The following NRDE2 variants were observed in gnomAD, a reference collection of about 807,000 sequenced individuals.
The protein encoded by NRDE2 is nuclear exosome regulator NRDE2.
In NRDE2, 76 loss-of-function variants were observed where a neutral mutation model predicts 124.2. That is an observed-to-expected ratio of 0.61 (90% CI 0.51 to 0.74). The LOEUF (loss-of-function observed/expected upper bound fraction) is 0.74, where lower values mean the gene tolerates loss of function less well. NRDE2 is among the 30% of genes least tolerant of loss of function. The probability of loss-of-function intolerance (pLI) is 0.00; values close to 1 mark genes in which losing one functional copy is unlikely to be tolerated. For synonymous variants in NRDE2, 489 were observed against 528.1 expected (o/e 0.93, Z 1.01); for missense variants, 1,314 against 1,417.3 (o/e 0.93, Z 1.17).
rs765343268 is a variant in NRDE2, at chr14:90,298,261, T to A, written c.1665A>T (p.Pro555=). Residue 555 remains proline (P), a splice_region_variant and synonymous_variant, in exon 8 of 14, where the codon CCA becomes CCT. Transcript: ENST00000354366. ...CGTCTTCAATGAGAGGTGACTTACC[T>A]GGGTTGATGACCACCCAGCCACCTC... ...QERGGWVVIN[P]DEDDDEPEED... is the part of the protein sequence containing the mutation. 6.2e-7 allele frequency: 1 copy of A among 1,613,480 alleles called. No homozygotes were observed. Among genetic ancestry groups the A allele is most frequent in the South Asian group, 1.1e-5 (1 of 91,068 alleles).
In NRDE2 at chr14:90,273,981, T is replaced by A. The variant is rs1368259612; in HGVS notation, c.*4355A>T. The stretch of plus-strand genomic sequence containing the variant: ...AATTTCCCTGTTTTAAAGTTTACAA[T>A]CTTCTTAATTTTTATCTGCAAAGTT... On this transcript the variant is annotated 3_prime_UTR_variant, in exon 14 of 14. Coordinates refer to ENST00000354366, the MANE Select transcript of NRDE2 (RefSeq NM_017970.4). 1.5e-5 allele frequency: 1 copy of A among 68,552 alleles called. No individual in the cohort carries two copies. The highest frequency in any genetic ancestry group is 4.0e-5 in the Non-Finnish European group (1 of 24,948). The allele number at this position is 68,552 out of a possible 1,614,324, so 4.2% of individuals were successfully genotyped here. A position where few individuals can be genotyped will look rare whatever the true frequency, so the allele number is the denominator to read the frequency against.
rs1431123812 is a variant in NRDE2 at position 90,268,117 on chromosome 14, G to A, written c.*10219C>T. ...AATTGGTGCCATGCCTTAGCATGAG[G>A]GCCCGCCTGTTTTTGGTGTCCATTT... On this transcript the variant is annotated 3_prime_UTR_variant, in exon 14 of 14. Coordinates refer to ENST00000354366, the MANE Select transcript of NRDE2 (RefSeq NM_017970.4). 1.2e-6 allele frequency: 1 copy of A among 862,912 alleles called. No homozygotes were observed. Among genetic ancestry groups the A allele is most frequent in the Non-Finnish European group, 1.7e-6 (1 of 579,816 alleles). 53.5% of individuals were successfully genotyped at this position (862,912 alleles called of 1,614,324 possible).
In NRDE2 at chr14:90,270,484, C is replaced by T. The variant is rs1455856098; in HGVS notation, c.*7852G>A. On this transcript the variant is annotated 3_prime_UTR_variant, in exon 14 of 14. Transcript: ENST00000354366. The stretch of plus-strand genomic sequence containing the variant: ...GTATTTTAATCATCATATTGGTTTA[C>T]GATTACATCCAAATGGTATATGTGC... The T allele has an allele frequency of 8.1e-6, 8 of 992,134 alleles. No individual in the cohort carries two copies. The highest frequency in any genetic ancestry group is 6.5e-5 in the African/African-American group (4 of 61,096). 61.5% of individuals were successfully genotyped at this position (992,134 alleles called of 1,614,324 possible). A position where few individuals can be genotyped will look rare whatever the true frequency, so the allele number is the denominator to read the frequency against.
intron 1 of NRDE2, among the ~76,000 whole-genome samples, chr14:90,331,110 A>G (rs960407736): frequency 4.6e-5 from 7 of 151,808 alleles, no homozygotes; most frequent in Non-Finnish European, 1.0e-4. Context: ...AAGAGACAGG[A>G]GTCTCGCTAT....
intron 13 of NRDE2, 120 bp downstream of exon 13, chr14:90,278,942 A>G: frequency 1.4e-6 from 1 of 736,998 alleles, no homozygotes; most frequent in South Asian, 1.6e-5. Flanking sequence ...GGGACAGGGT[A>G]TGGCGTCCAT....
rs1885716686 is a variant in NRDE2 at position 90,331,829 on chromosome 14, T to C, written c.64+12A>G. ...CCCCCAGGTGCCTTCTTCGGCTCGT[T>C]TGTGTGCTTACCTTTCCTGGAGCTC... On this transcript the variant is annotated intron_variant, in intron 1 of 13. Transcript: ENST00000354366. 6.2e-7 allele frequency: 1 copy of C among 1,613,978 alleles called. No homozygotes were observed. The highest frequency in any genetic ancestry group is 1.1e-5 in the South Asian group (1 of 91,080).
At chr14:90,327,971 CT>C (rs1566704448) in intron 1 of NRDE2, among the ~76,000 whole-genome samples, 2 of 152,038 alleles carry the variant, frequency 1.3e-5, no homozygotes, top group African/African-American at 2.4e-5. Flanking sequence ...GTGAAACCCC[CT>C]ATCTACTAAA....
chr14:90,310,417 T>G (rs1030094558), intron 4 of NRDE2, among the ~76,000 whole-genome samples: 3 of 152,178 alleles, frequency 2.0e-5, no homozygotes, highest in Non-Finnish European at 4.4e-5. Context: ...CTCCTCGTCC[T>G]CCTCACAGAG....
chr14:90,308,575 C>T (rs1389281318), intron 4 of NRDE2, among the ~76,000 whole-genome samples: 1 of 152,128 alleles, frequency 6.6e-6, no homozygotes, highest in East Asian at 1.9e-4. Context: ...CTGCTTAAGG[C>T]CAAATGCCCA....
chr14:90,272,134 T>C lies in NRDE2; in HGVS notation c.*6202A>G, dbSNP rs1303256419. On this transcript the variant is annotated 3_prime_UTR_variant, in exon 14 of 14. Coordinates refer to ENST00000354366, the MANE Select transcript of NRDE2 (RefSeq NM_017970.4). The surrounding 1 kb of genome is among the most constrained non-coding windows in gnomAD (Gnocchi z 4.5). ...GTCTTGAACTCCTGACCTTAGGCGA[T>C]CCACCTGCCTCGGCCTCCCAGAGTG... is the stretch of plus-strand genomic sequence containing the variant. 5 of 833,058 alleles carry C rather than the reference T, an allele frequency of 6.0e-6. No individual in the cohort carries two copies. The highest frequency in any genetic ancestry group is 9.2e-6 in the Non-Finnish European group (5 of 545,944). The allele number at this position is 833,058 out of a possible 1,614,324, so 51.6% of individuals were successfully genotyped here.
intron 2 of NRDE2, among the ~76,000 whole-genome samples, chr14:90,317,447 A>G (rs1885088125): frequency 6.6e-6 from 1 of 151,748 alleles, no homozygotes; most frequent in Non-Finnish European, 1.5e-5. Flanking sequence ...TCATACATCA[A>G]CTCTTCTCAA....
intron 4 of NRDE2, among the ~76,000 whole-genome samples, chr14:90,306,618 C>T (rs1478022415): frequency 2.0e-5 from 3 of 151,916 alleles, no homozygotes; most frequent in Admixed American, 6.6e-5. Flanking sequence ...TGAGATCGGT[C>T]TGGCTAACAT....
Position 90,269,807 on chromosome 14 carries a change from C to T in NRDE2, c.*8529G>A, listed in dbSNP as rs1891615985. 1 of 417,332 alleles carries T rather than the reference C, an allele frequency of 2.4e-6. No individual in the cohort carries two copies. The highest frequency in any genetic ancestry group is 4.2e-6 in the Non-Finnish European group (1 of 237,186). The allele number at this position is 417,332 out of a possible 1,614,324, so 25.9% of individuals were successfully genotyped here. ...AACATTCCCTTTTTAGCCTCAAGAA[C>T]TTGCTGCTTTTTCTGGAAGAAATAA... On this transcript the variant is annotated 3_prime_UTR_variant, in exon 14 of 14. Transcript: ENST00000354366.
chr14:90,316,427 T>G, intron 3 of NRDE2, 151 bp downstream of exon 3: 1 of 603,272 alleles, frequency 1.7e-6, no homozygotes, highest in South Asian at 2.4e-5. Context: ...TCCCTAATTT[T>G]TCTCCTTCTC....
rs1884467267 is a variant in NRDE2, at chr14:90,303,134, C to T, written c.1006-9G>A. On this transcript the variant is annotated splice_polypyrimidine_tract_variant and intron_variant, in intron 5 of 13. Transcript: ENST00000354366. Reference sequence around the variant, plus strand: ...CTTTTCATGACCTCGTCCTCAACAACAAAAACACCAATTTACAAATGCAAA... The same window carrying T: ...CTTTTCATGACCTCGTCCTCAACAATAAAAACACCAATTTACAAATGCAAA... 5 of 1,598,188 alleles carry T rather than the reference C, an allele frequency of 3.1e-6. No homozygotes were observed. Among genetic ancestry groups the T allele is most frequent in the Non-Finnish European group, 3.4e-6 (4 of 1,172,398 alleles).
At position 90,290,255 on chromosome 14, in the gene NRDE2, A is replaced by G. The variant is rs1892234353; in HGVS notation, c.2195T>C (p.Leu732Pro). The change falls in exon 10 of 14, where the codon CTC becomes CCC. Residue 732 changes from leucine (L) to proline (P), a missense_variant. Physicochemically the swap from Leu to Pro is moderately conservative, Grantham distance 98. Transcript: ENST00000354366. ...CTCATACTGTAACCAGGAGAAGCAG[A>G]GCTGGGACTTCTCTTTGCCTGAAAA... is the stretch of plus-strand genomic sequence containing the variant. ...PLFSGKEKSQ[L>P]CFSWLQYEIA... 6.2e-7 allele frequency: 1 copy of G among 1,614,070 alleles called. No homozygotes were observed. Among genetic ancestry groups the G allele is most frequent in the Non-Finnish European group, 8.5e-7 (1 of 1,180,018 alleles).
At chr14:90,327,306 C>A (rs1007612382) in intron 1 of NRDE2, among the ~76,000 whole-genome samples, 1 of 152,070 alleles carries the variant, frequency 6.6e-6, no homozygotes, top group African/African-American at 2.4e-5. Flanking sequence ...TCCCAGCACT[C>A]TGGGAGGCCG....
At position 90,304,016 on chromosome 14, in the gene NRDE2, C is replaced by A. The variant is rs1884504241; in HGVS notation, c.924G>T (p.Lys308Asn). The change falls in exon 5 of 14, where the codon AAG becomes AAT. Residue 308 changes from lysine (K) to asparagine (N), a missense_variant. Lys to Asn is a moderately conservative substitution (Grantham distance 94). Transcript: ENST00000354366. The part of the protein sequence containing the change: ...AQPDSESAAL[K>N]AKVEEFNRRV... ...TCCTGTTAAACTCCTCCACCTTGGC[C>A]TTGAGAGCCGCACTCTCGCTGTCTG... The A allele has an allele frequency of 3.7e-6, 6 of 1,614,060 alleles. No homozygotes were observed. Among genetic ancestry groups the A allele is most frequent in the Middle Eastern group, 3.3e-4 (2 of 6,062 alleles).
chr14:90,291,993 G>A (rs769260533), intron 9 of NRDE2, among the ~76,000 whole-genome samples: 2 of 152,260 alleles, frequency 1.3e-5, no homozygotes, highest in African/African-American at 4.8e-5. Context: ...AAGACACAGA[G>A]TTGGTATCTG....
Sources: gnomAD v4.1 joint callset for allele counts (sites outside exome capture counted in the v4.1 genomes callset) on GRCh38, gnomAD v4.1.1 for gene constraint, Gnocchi (gnomAD v3.1) non-coding constraint, MANE v1.5 for transcripts, NCBI Gene and HGNC (gene_info 2026-07-23, HGNC 2026-07-21) for gene names.